The following MECOM variants were observed in gnomAD, a reference collection of about 807,000 sequenced individuals.
The protein encoded by MECOM is histone-lysine N-methyltransferase MECOM.
MECOM carries 13 observed loss-of-function variants against 116.3 expected under a neutral mutation model. That is an observed-to-expected ratio of 0.11 (90% CI 0.07 to 0.18). MECOM has a LOEUF of 0.18. MECOM is among the 10% of genes least tolerant of loss of function. MECOM has a pLI of 1.00. For missense variants in MECOM, 1,299 were observed against 1,509.0 expected, an observed-to-expected ratio of 0.86 and a Z score of 2.31; for synonymous variants, 528 against 535.2, an observed-to-expected ratio of 0.99 and a Z score of 0.19.
At chr3:169,614,077 TTCTCC>T (rs1348697629) in intron 1 of MECOM, among the ~76,000 whole-genome samples, 1 of 149,720 alleles carries the variant, frequency 6.7e-6, no homozygotes, top group African/African-American at 2.5e-5. Flanking sequence ...TTTCCCTCCC[TTCTCC>T]TCTCCTCTCT....
At chr3:169,361,026 G>C (rs914516888) in intron 2 of MECOM, among the ~76,000 whole-genome samples, 3 of 151,746 alleles carry the variant, frequency 2.0e-5, no homozygotes, top group African/African-American at 7.2e-5. Context: ...AGTGCTGGGG[G>C]CCAAATTAAG....
intron 1 of MECOM, among the ~76,000 whole-genome samples, chr3:169,500,292 A>G (rs1344048378): frequency 6.6e-6 from 1 of 152,044 alleles, no homozygotes; most frequent in African/African-American, 2.4e-5. Flanking sequence ...TGGATTAGGC[A>G]ATCAAATAGG....
intron 2 of MECOM, among the ~76,000 whole-genome samples, chr3:169,302,631 G>A (rs1050486838): frequency 6.6e-6 from 1 of 152,066 alleles, no homozygotes. Context: ...TTGGGAGGCC[G>A]AGGCCGGTGG....
At chr3:169,639,644 T>A (rs1411007611) in intron 1 of MECOM, among the ~76,000 whole-genome samples, 1 of 152,232 alleles carries the variant, frequency 6.6e-6, no homozygotes, top group African/African-American at 2.4e-5. Context: ...ATCTTCCAAG[T>A]ATATACTTCA....
intron 2 of MECOM, among the ~76,000 whole-genome samples, chr3:169,202,875 A>C (rs1325197338): frequency 6.6e-6 from 1 of 151,942 alleles, no homozygotes; most frequent in Non-Finnish European, 1.5e-5. Flanking sequence ...TCTGGGAATC[A>C]AAATCAGCTC....
chr3:169,644,236 GTTTATTTATTTATTTA>G lies in MECOM; in HGVS notation c.37+19084_37+19099del, dbSNP rs10522068. ...TCCTCGCATTTTATTTTATTTATTT[GTTTATTTATTTATTTA>G]TTTATTTATTTATTTATTTATTGAG... On this transcript the variant is annotated intron_variant, in intron 1 of 16. Coordinates refer to ENST00000651503, the MANE Select transcript of MECOM (RefSeq NM_004991.4). Among the ~76,000 whole-genome samples, 56 of 148,140 alleles carry G rather than the reference GTTTATTTATTTATTTA, an allele frequency of 3.8e-4. 1 individual carries two copies. In the South Asian group the frequency reaches 9.7e-3, roughly 26 times the overall value.
intron 1 of MECOM, among the ~76,000 whole-genome samples, chr3:169,534,087 G>GT (rs1186423303): frequency 6.6e-6 from 1 of 152,094 alleles, no homozygotes; most frequent in Admixed American, 6.5e-5. Flanking sequence ...TGCTTCCACT[G>GT]TTTTTTTGCC....
chr3:169,372,260 G>A (rs963093308), intron 2 of MECOM, among the ~76,000 whole-genome samples: 7 of 152,168 alleles, frequency 4.6e-5, no homozygotes, highest in South Asian at 2.1e-4. Context: ...ACACAAAGCC[G>A]GGTCTGGCAC....
At chr3:169,542,951 TGA>T (rs1452881317) in intron 1 of MECOM, among the ~76,000 whole-genome samples, 5 of 152,232 alleles carry the variant, frequency 3.3e-5, no homozygotes, top group Non-Finnish European at 7.3e-5. Flanking sequence ...TGTGATAATA[TGA>T]ACTTGTAAAG....
intron 3 of MECOM, among the ~76,000 whole-genome samples, chr3:169,140,289 C>A (rs116489293): frequency 2.0e-5 from 3 of 151,910 alleles, no homozygotes; most frequent in Non-Finnish European, 4.4e-5. Flanking sequence ...CAGCCATAGA[C>A]CTATGTAGCA....
intron 13 of MECOM, among the ~76,000 whole-genome samples, chr3:169,094,183 T>G (rs943314448): frequency 5.9e-5 from 9 of 152,166 alleles, no homozygotes; most frequent in Non-Finnish European, 1.0e-4. Context: ...ATAATGTGCC[T>G]TTATAGGGGA....
intron 2 of MECOM, among the ~76,000 whole-genome samples, chr3:169,162,050 G>A (rs978108119): frequency 3.3e-5 from 5 of 152,176 alleles, no homozygotes; most frequent in African/African-American, 1.2e-4. Flanking sequence ...AATGTTTACT[G>A]TTGTTTTCAA....
At chr3:169,238,174 C>CAAAAAAAAAA (rs869078937) in intron 2 of MECOM, among the ~76,000 whole-genome samples, 1 of 72,076 alleles carries the variant, frequency 1.4e-5, no homozygotes, top group African/African-American at 4.3e-5. Flanking sequence ...GACTCCATCT[C>CAAAAAAAAAA]AAAAAAAAAA....
intron 1 of MECOM, among the ~76,000 whole-genome samples, chr3:169,616,486 C>T (rs1159239990): frequency 6.6e-6 from 1 of 152,124 alleles, no homozygotes; most frequent in Non-Finnish European, 1.5e-5. Context: ...GCTGGGATTA[C>T]TGGCACCTGC....
chr3:169,386,102 G>A (rs984800472), intron 1 of MECOM, among the ~76,000 whole-genome samples: 1 of 152,136 alleles, frequency 6.6e-6, no homozygotes, highest in Non-Finnish European at 1.5e-5. Context: ...CAGAGACCAA[G>A]GGAAAGGCCA....
chr3:169,178,316 T>C (rs1745477446), intron 2 of MECOM, among the ~76,000 whole-genome samples: 1 of 152,204 alleles, frequency 6.6e-6, no homozygotes, highest in South Asian at 2.1e-4. Context: ...AGCTTTATCA[T>C]GAACACAGTG....
At position 169,236,308 on chromosome 3, in the gene MECOM, A is replaced by T. The variant is rs963345099; in HGVS notation, c.376-92476T>A. On this transcript the variant is annotated intron_variant, in intron 2 of 16. Coordinates refer to ENST00000651503, the MANE Select transcript of MECOM (RefSeq NM_004991.4). ...ATCCAGCACATAAAACTTGGAAAGG[A>T]TGCCCCCACCATGATATTTCAAAAA... 3.3e-5 allele frequency among the ~76,000 whole-genome samples: 5 copies of T among 152,332 alleles called. No homozygotes were observed. In the South Asian group the frequency reaches 6.2e-4, roughly 19 times the overall value.
intron 2 of MECOM, among the ~76,000 whole-genome samples, chr3:169,344,054 T>C (rs1724973735): frequency 6.6e-6 from 1 of 152,116 alleles, no homozygotes; most frequent in Non-Finnish European, 1.5e-5. Context: ...TTTTGATAAA[T>C]ATTATAAATA....
chr3:169,181,245 C>G (rs1031478516), intron 2 of MECOM, among the ~76,000 whole-genome samples: 1 of 152,086 alleles, frequency 6.6e-6, no homozygotes, highest in Non-Finnish European at 1.5e-5. Flanking sequence ...TCTATCCAGA[C>G]CTATGCTGCC....
Sources: allele counts gnomAD v4.1 joint callset (sites outside exome capture counted in the v4.1 genomes callset), GRCh38; gene constraint gnomAD v4.1.1; transcripts MANE v1.5; gene names NCBI Gene and HGNC (gene_info 2026-07-23, HGNC 2026-07-21).